Variants in KCNK9 observed in about 807,000 individuals in gnomAD.
KCNK9 encodes potassium two pore domain channel subfamily K member 9, also known as potassium channel subfamily K member 9.
A neutral mutation model predicts 10.8 loss-of-function variants in KCNK9; 1 was observed. The observed-to-expected ratio is 0.09, with a 90% confidence interval of 0.03 to 0.44. The LOEUF (loss-of-function observed/expected upper bound fraction) is 0.44. KCNK9 is among the 20% of genes least tolerant of loss of function. KCNK9 has a pLI of 0.97. For missense variants in KCNK9, 303 were observed against 515.0 expected (o/e 0.59, Z 3.98); for synonymous variants, 231 against 222.7 (o/e 1.04, Z -0.33).
intron 1 of KCNK9, among the ~76,000 whole-genome samples, chr8:139,686,930 T>A (rs903926889): frequency 1.3e-5 from 2 of 152,136 alleles, no homozygotes; most frequent in Admixed American, 6.5e-5. Context: ...TAGCCTTTAG[T>A]GAATTTATTT....
chr8:139,645,608 T>C (rs1038531553), intron 1 of KCNK9, among the ~76,000 whole-genome samples: 6 of 151,822 alleles, frequency 4.0e-5, no homozygotes, highest in Non-Finnish European at 8.8e-5. Context: ...AGGTGCTAGG[T>C]GACAGTCCCC....
chr8:139,631,985 G>A (rs1016309232), intron 1 of KCNK9, among the ~76,000 whole-genome samples: 3 of 152,206 alleles, frequency 2.0e-5, no homozygotes, highest in Non-Finnish European at 4.4e-5. Flanking sequence ...CTTGAATGCC[G>A]AGTTACTGGG....
At position 139,689,643 on chromosome 8, in the gene KCNK9, A is replaced by ATT. The variant is rs35831003; in HGVS notation, c.283+13065_283+13066dup. Among the ~76,000 whole-genome samples the ATT allele has an allele frequency of 7.9e-3, 1,066 of 134,098 alleles. 15 individuals carry two copies. Among genetic ancestry groups the ATT allele is most frequent in the African/African-American group, 0.02 (699 of 35,258 alleles). The allele number at this position is 134,098 out of a possible 152,430, so 88.0% of individuals were successfully genotyped here. A position where few individuals can be genotyped will look rare whatever the true frequency, so the allele number is the denominator to read the frequency against. The stretch of plus-strand genomic sequence containing the variant: ...GCTGCTCTCCTGTGCCTTTGCCATC[A>ATT]TTTTTTTTTTTTTTTTTGAGACGGA... On this transcript the variant is annotated intron_variant, in intron 1 of 1. Coordinates refer to ENST00000520439, the MANE Select transcript of KCNK9 (RefSeq NM_001282534.2).
downstream of KCNK9, among the ~76,000 whole-genome samples, chr8:139,613,748 C>A (rs1814499230): frequency 6.6e-6 from 1 of 152,236 alleles, no homozygotes; most frequent in Non-Finnish European, 1.5e-5. Flanking sequence ...AGGTCCCCTG[C>A]CTGCCATCCT....
intron 1 of KCNK9, among the ~76,000 whole-genome samples, chr8:139,645,981 T>C (rs970305923): frequency 6.6e-5 from 10 of 152,098 alleles, no homozygotes; most frequent in African/African-American, 2.2e-4. Context: ...ATCCTGTTCT[T>C]ACCCATTCCC....
chr8:139,673,724 A>G (rs1462620449), intron 1 of KCNK9, among the ~76,000 whole-genome samples: 1 of 152,232 alleles, frequency 6.6e-6, no homozygotes, highest in Non-Finnish European at 1.5e-5. Context: ...AAATGCCACC[A>G]AAGAGATGAT....
At chr8:139,696,495 G>C (rs994815589) in intron 1 of KCNK9, among the ~76,000 whole-genome samples, 3 of 152,212 alleles carry the variant, frequency 2.0e-5, no homozygotes, top group African/African-American at 7.2e-5. Flanking sequence ...TTAACACTGA[G>C]GCTCTAATGA....
chr8:139,633,483 T>C (rs1815237150), intron 1 of KCNK9, among the ~76,000 whole-genome samples: 1 of 152,172 alleles, frequency 6.6e-6, no homozygotes, highest in African/African-American at 2.4e-5. Flanking sequence ...ACACGACTAA[T>C]AGGTGGCAGT....
At chr8:139,658,482 T>C (rs554199620) in intron 1 of KCNK9, among the ~76,000 whole-genome samples, 1 of 152,318 alleles carries the variant, frequency 6.6e-6, no homozygotes, top group East Asian at 1.9e-4. Flanking sequence ...CTGACTTCCC[T>C]GCTGCCCAGC....
intron 1 of KCNK9, among the ~76,000 whole-genome samples, chr8:139,700,228 G>A (rs970848595): frequency 9.2e-5 from 14 of 152,262 alleles, no homozygotes; most frequent in Admixed American, 2.6e-4. Context: ...ACTAAGTGCC[G>A]GCCACACTGT....
At chr8:139,667,883 TA>T (rs4058468) in intron 1 of KCNK9, among the ~76,000 whole-genome samples, 62,526 of 146,230 alleles carry the variant, frequency 0.43, 14,093 homozygotes, top group Non-Finnish European at 0.53. Context: ...TCCGTCTTAA[TA>T]AAAAAAAAAA....
chr8:139,606,934 G>A (rs968936992), intron 2 of KCNK9, among the ~76,000 whole-genome samples: 5 of 152,116 alleles, frequency 3.3e-5, no homozygotes, highest in Non-Finnish European at 7.4e-5. Context: ...AGCAGAGGGT[G>A]GACTGAGATG....
chr8:139,623,317 G>C (rs117112117), intron 1 of KCNK9, among the ~76,000 whole-genome samples: 120 of 152,258 alleles, frequency 7.9e-4, no homozygotes, highest in Non-Finnish European at 1.4e-3. Context: ...CCGCCCAGGG[G>C]TCAGAAGATA....
At chr8:139,687,495 TATATACATATATATGTATACA>T (rs1816829047) in intron 1 of KCNK9, among the ~76,000 whole-genome samples, 1 of 37,914 alleles carries the variant, frequency 2.6e-5, no homozygotes, top group South Asian at 9.4e-4. Context: ...TATATACACA[TATATACATATATATGTATACA>T]CATATATTCA....
intron 1 of KCNK9, among the ~76,000 whole-genome samples, chr8:139,655,830 G>A (rs1287701952): frequency 2.0e-5 from 3 of 152,186 alleles, no homozygotes; most frequent in Non-Finnish European, 4.4e-5. Context: ...TCCTGGGGGA[G>A]AAGACAGGAT....
chr8:139,679,352 G>A lies in KCNK9; in HGVS notation c.283+23358C>T, dbSNP rs3780034. Among the ~76,000 whole-genome samples, 14 of 152,346 alleles carry A rather than the reference G, an allele frequency of 9.2e-5. No individual in the cohort carries two copies. In the East Asian group the frequency reaches 1.9e-3, roughly 21 times the overall value. On this transcript the variant is annotated intron_variant, in intron 1 of 1. Coordinates refer to ENST00000520439, the MANE Select transcript of KCNK9 (RefSeq NM_001282534.2). ...CAGGTGAAAGGCACTCCCTGAGCACGGGGGTGTGGGAACTGCACAGGCCCA... is the reference window on the plus strand; with the variant it reads ...CAGGTGAAAGGCACTCCCTGAGCACAGGGGTGTGGGAACTGCACAGGCCCA...
intron 1 of KCNK9, among the ~76,000 whole-genome samples, chr8:139,690,470 C>A (rs923308615): frequency 3.2e-4 from 48 of 152,118 alleles, no homozygotes; most frequent in African/African-American, 1.1e-3. Flanking sequence ...CAATGAGGGT[C>A]ATTTTGGCCT....
Position 139,702,673 on chromosome 8 carries a change from C to T in KCNK9, c.283+37G>A. 6.3e-7 allele frequency: 1 copy of T among 1,578,466 alleles called. No homozygotes were observed. Among genetic ancestry groups the T allele is most frequent in the African/African-American group, 1.3e-5 (1 of 74,396 alleles). On this transcript the variant is annotated intron_variant, in intron 1 of 1. Transcript: ENST00000520439. The surrounding 1 kb of genome is among the most constrained non-coding windows in gnomAD (Gnocchi z 7.5). ...CTCAGCCGCCTCCCCGGACTCCTCC[C>T]GGGGCGCGGGAGCCCAGCGGCGCGC...
chr8:139,608,333 C>T (rs1346301002), downstream of KCNK9, among the ~76,000 whole-genome samples: 5 of 152,272 alleles, frequency 3.3e-5, no homozygotes, highest in South Asian at 2.1e-4. Context: ...CCAGTGTTTT[C>T]GGTGGTTTAT....
Sources: gnomAD v4.1 joint callset for allele counts (sites outside exome capture counted in the v4.1 genomes callset) on GRCh38, gnomAD v4.1.1 for gene constraint, Gnocchi (gnomAD v3.1) non-coding constraint, MANE v1.5 for transcripts, NCBI Gene and HGNC (gene_info 2026-07-23, HGNC 2026-07-21) for gene names.